The following CADM2 variants were observed in gnomAD, a reference collection of about 807,000 sequenced individuals.
The protein encoded by CADM2 is immunoglobulin superfamily member 4D.
A neutral mutation model predicts 49.8 loss-of-function variants in CADM2; 12 were observed. That is an observed-to-expected ratio of 0.24 (90% confidence interval 0.15 to 0.39). The LOEUF (loss-of-function observed/expected upper bound fraction) is 0.39. Ranked by LOEUF, CADM2 falls within the 10% of genes least tolerant of loss-of-function variation. The pLI, the probability that CADM2 is intolerant of heterozygous loss-of-function variation, is 1.00. For missense variants in CADM2, 378 were observed against 492.3 expected (o/e 0.77, Z 2.20); for synonymous variants, 214 against 175.4 (o/e 1.22, Z -1.74).
chr3:84,977,679 T>C (rs2031908841), intron 1 of CADM2, among the ~76,000 whole-genome samples: 1 of 152,054 alleles, frequency 6.6e-6, no homozygotes, highest in Non-Finnish European at 1.5e-5. Context: ...TTTTCAAAAG[T>C]ATTTTATTAT....
intron 1 of CADM2, among the ~76,000 whole-genome samples, chr3:85,136,436 A>G (rs950665339): frequency 6.6e-6 from 1 of 151,958 alleles, no homozygotes; most frequent in Non-Finnish European, 1.5e-5. Flanking sequence ...GTATTTTTGA[A>G]TAATATGTTA....
intron 1 of CADM2, among the ~76,000 whole-genome samples, chr3:85,377,207 G>C (rs2033643079): frequency 6.6e-6 from 1 of 151,908 alleles, no homozygotes; most frequent in Non-Finnish European, 1.5e-5. Context: ...TTGCTTCTTT[G>C]TTGAGGTTTT....
intron 1 of CADM2, among the ~76,000 whole-genome samples, chr3:85,312,101 A>G (rs1032116215): frequency 6.6e-6 from 1 of 152,020 alleles, no homozygotes; most frequent in Non-Finnish European, 1.5e-5. Flanking sequence ...TACTCATCCA[A>G]AGTTTCATTA....
intron 1 of CADM2, among the ~76,000 whole-genome samples, chr3:85,650,911 ATTT>A (rs2065024496): frequency 6.9e-6 from 1 of 145,776 alleles, no homozygotes; most frequent in Non-Finnish European, 1.5e-5. Flanking sequence ...TGCAGCAGTT[ATTT>A]GCATACTAGA....
intron 1 of CADM2, among the ~76,000 whole-genome samples, chr3:85,642,651 AC>A (rs1192498216): frequency 6.6e-6 from 1 of 152,166 alleles, no homozygotes; most frequent in Non-Finnish European, 1.5e-5. Flanking sequence ...AGTTATCCAA[AC>A]TTTTATATAG....
chr3:85,955,179 AT>A (rs147529757), intron 7 of CADM2, among the ~76,000 whole-genome samples: 5,054 of 151,284 alleles, frequency 0.033, 283 homozygotes, highest in African/African-American at 0.12. Flanking sequence ...TGAATGTGAC[AT>A]TTTTTTCAAA....
chr3:85,707,230 A>T (rs1034087818), intron 1 of CADM2, among the ~76,000 whole-genome samples: 6 of 151,974 alleles, frequency 3.9e-5, no homozygotes, highest in African/African-American at 1.4e-4. Flanking sequence ...CAAATAATAG[A>T]ATTTTTTATG....
intron 3 of CADM2, among the ~76,000 whole-genome samples, chr3:85,858,820 C>T (rs114139019): frequency 1.8e-4 from 28 of 152,294 alleles, no homozygotes; most frequent in Admixed American, 5.9e-4. Flanking sequence ...TACATGCTGA[C>T]ACATTAATCA....
At chr3:85,899,922 T>C (rs1715872130) in intron 5 of CADM2, among the ~76,000 whole-genome samples, 1 of 152,166 alleles carries the variant, frequency 6.6e-6, no homozygotes, top group Non-Finnish European at 1.5e-5. Flanking sequence ...ACTATGGATG[T>C]CTGGAGTCCA....
chr3:85,625,341 T>G, intron 1 of CADM2, among the ~76,000 whole-genome samples: 1 of 152,102 alleles, frequency 6.6e-6, no homozygotes, highest in East Asian at 1.9e-4. Flanking sequence ...CTACGTATGT[T>G]TTTAAAGGCT....
At chr3:84,983,551 A>C (rs1205773716) in intron 1 of CADM2, among the ~76,000 whole-genome samples, 1 of 152,084 alleles carries the variant, frequency 6.6e-6, no homozygotes, top group Non-Finnish European at 1.5e-5. Flanking sequence ...TTTCTGTTCA[A>C]AGTTCTTAGA....
intron 1 of CADM2, among the ~76,000 whole-genome samples, chr3:85,501,159 T>G (rs1038919296): frequency 6.6e-6 from 1 of 152,198 alleles, no homozygotes; most frequent in Non-Finnish European, 1.5e-5. Flanking sequence ...CATCTTTATA[T>G]CAAGCCTTTA....
At chr3:85,460,400 C>T (rs1383915958) in intron 1 of CADM2, among the ~76,000 whole-genome samples, 1 of 152,130 alleles carries the variant, frequency 6.6e-6, no homozygotes, top group East Asian at 1.9e-4. Flanking sequence ...ATTTTGTACT[C>T]AGACACACTT....
chr3:85,809,274 T>G (rs746629500), intron 3 of CADM2, among the ~76,000 whole-genome samples: 16 of 152,094 alleles, frequency 1.1e-4, no homozygotes, highest in Non-Finnish European at 2.2e-4. Context: ...ACTTGAGTAG[T>G]AAATGACAAA....
chr3:85,759,452 G>C (rs879298175), intron 2 of CADM2, among the ~76,000 whole-genome samples: 4 of 151,992 alleles, frequency 2.6e-5, no homozygotes, highest in Non-Finnish European at 5.9e-5. Flanking sequence ...TATTGCATAA[G>C]CAATAAAGAT....
At chr3:85,370,069 T>C (rs1158236308) in intron 1 of CADM2, among the ~76,000 whole-genome samples, 2 of 151,490 alleles carry the variant, frequency 1.3e-5, no homozygotes, top group East Asian at 3.9e-4. Flanking sequence ...AAAAATTAGC[T>C]GAGAATAGTG....
chr3:85,031,525 A>G (rs979688766), intron 1 of CADM2, among the ~76,000 whole-genome samples: 8 of 151,732 alleles, frequency 5.3e-5, no homozygotes, highest in Non-Finnish European at 1.0e-4. Flanking sequence ...CATTATTATT[A>G]TTATTTTGAG....
intron 1 of CADM2, among the ~76,000 whole-genome samples, chr3:85,024,019 T>C (rs6791363): frequency 0.31 from 47,479 of 151,932 alleles, 8,044 homozygotes; most frequent in Middle Eastern, 0.4. Context: ...TTAGATATTG[T>C]GGGGGCTAAA....
At chr3:85,321,091 C>CATATATATATATATATATATAT (rs1227890094) in intron 1 of CADM2, among the ~76,000 whole-genome samples, 2 of 64,762 alleles carry the variant, frequency 3.1e-5, no homozygotes, top group African/African-American at 6.0e-5. Flanking sequence ...TAGATATATA[C>CATATATATATATATATATATAT]ATATATATAT....
Sources: allele counts gnomAD v4.1 joint callset (sites outside exome capture counted in the v4.1 genomes callset), GRCh38; gene constraint gnomAD v4.1.1; transcripts MANE v1.5; gene names NCBI Gene and HGNC (gene_info 2026-07-23, HGNC 2026-07-21).